Variants in NUP54 observed in about 807,000 individuals in gnomAD.
The protein encoded by NUP54 is nucleoporin 54, also known as nucleoporin p54.
NUP54 carries 27 observed loss-of-function variants against 66.4 expected under a neutral mutation model. That is an observed-to-expected ratio of 0.41 (90% CI 0.30 to 0.56). The LOEUF is 0.56. Among genes scored for constraint, NUP54 ranks in the 20% least tolerant of loss-of-function variants. The probability of loss-of-function intolerance (pLI) is 0.34; values close to 1 mark genes in which losing one functional copy is unlikely to be tolerated. For synonymous variants in NUP54, 206 were observed against 210.7 expected (o/e 0.98, Z 0.19); for missense variants, 486 against 596.3 (o/e 0.82, Z 1.93).
intron 3 of NUP54, among the ~76,000 whole-genome samples, chr4:76,139,203 G>A (rs910324739): frequency 2.6e-5 from 4 of 152,148 alleles, no homozygotes; most frequent in Admixed American, 2.0e-4. Context: ...ATAACTGATT[G>A]AGGCAATGAT....
chr4:76,121,852 C>CT (rs1217574695), intron 9 of NUP54, among the ~76,000 whole-genome samples: 1 of 152,110 alleles, frequency 6.6e-6, no homozygotes, highest in Non-Finnish European at 1.5e-5. Flanking sequence ...AGCCAGCTTA[C>CT]TACATTAATT....
At chr4:76,133,528 C>T (rs535896557) in intron 5 of NUP54, among the ~76,000 whole-genome samples, 1 of 151,900 alleles carries the variant, frequency 6.6e-6, no homozygotes, top group Admixed American at 6.6e-5. Flanking sequence ...AGGATGGCCT[C>T]GATCTCCTGA....
chr4:76,136,015 ATATG>A (rs1295936582), intron 4 of NUP54, among the ~76,000 whole-genome samples, 167 bp downstream of exon 4: 2 of 152,202 alleles, frequency 1.3e-5, no homozygotes, highest in African/African-American at 2.4e-5. Context: ...TCAACCACAC[ATATG>A]TATGAAATCA....
chr4:76,119,842 T>G (rs980307504), intron 9 of NUP54, among the ~76,000 whole-genome samples: 10 of 152,216 alleles, frequency 6.6e-5, no homozygotes, highest in African/African-American at 2.4e-4. Flanking sequence ...TAACCATATC[T>G]TTTTCATAAA....
rs1731039576 is a variant in NUP54, at chr4:76,136,353, T to C, written c.355A>G (p.Asn119Asp). 1 of 1,612,750 alleles carries C rather than the reference T, an allele frequency of 6.2e-7. No individual in the cohort carries two copies. The highest frequency in any genetic ancestry group is 8.5e-7 in the Non-Finnish European group (1 of 1,178,840). ...QAPTQSNQLI[N>D]TASALSAPTL... is the part of the protein sequence containing the mutation. ...GGAGCAGAAAGAGCACTCGCAGTAT[T>C]TATCAGCTGGTTGGACTGGGTAGGA... The change falls in exon 4 of 12, where the codon AAT becomes GAT. Residue 119 changes from asparagine (N) to aspartate (D), a missense_variant. Physicochemically the swap from Asn to Asp is conservative, Grantham distance 23. Transcript: ENST00000264883.
intron 4 of NUP54, among the ~76,000 whole-genome samples, chr4:76,135,020 A>C (rs10014749): frequency 0.15 from 22,462 of 152,018 alleles, 2,119 homozygotes; most frequent in East Asian, 0.36. Flanking sequence ...GTTTATTGGG[A>C]TGTAACCCAT....
In NUP54 at chr4:76,115,488, T is replaced by C. The variant is rs1451854703; in HGVS notation, c.1402A>G (p.Lys468Glu). 1 of 1,599,384 alleles carries C rather than the reference T, an allele frequency of 6.3e-7. No individual in the cohort carries two copies. Among genetic ancestry groups the C allele is most frequent in the East Asian group, 2.2e-5 (1 of 44,496 alleles). The change falls in exon 12 of 12, where the codon AAA becomes GAA. Residue 468 changes from lysine to glutamate, a missense_variant. By Grantham distance (56) the Lys-to-Glu change is moderately conservative. This residue lies in a region of NUP54 where 83 missense variants were observed against 128.6 expected (regional missense o/e 0.65). Coordinates refer to ENST00000264883, the MANE Select transcript of NUP54 (RefSeq NM_017426.4). ...DLLREIKQHL[K>E]QQQEGLSHLI... The stretch of plus-strand genomic sequence containing the variant: ...TGGCTAAGGCCTTCCTGTTGTTGTT[T>C]CAAATGCTAGAACAAATTAAGAAAC...
At chr4:76,125,356 G>A (rs1311134475) in intron 8 of NUP54, among the ~76,000 whole-genome samples, 10 of 146,214 alleles carry the variant, frequency 6.8e-5, no homozygotes, top group Admixed American at 6.7e-4. Context: ...ACACACGGCT[G>A]GGCACAGTGG....
Position 76,132,708 on chromosome 4 carries a change from A to G in NUP54, c.722T>C (p.Val241Ala). Residue 241 changes from valine to alanine, a missense_variant, in exon 6 of 12, where the codon GTT (valine) becomes GCT (alanine). Physicochemically the swap from Val to Ala is moderately conservative, Grantham distance 64. Coordinates refer to ENST00000264883, the MANE Select transcript of NUP54 (RefSeq NM_017426.4). ...TGGCGAACGCTCAACAACATAAATA[A>G]CAACTTCTGTCCTGAAGGAAGAATA... The part of the protein sequence containing the change: ...KTLPDDQTEV[V>A]IYVVERSPNG... 2 of 1,612,058 alleles carry G rather than the reference A, an allele frequency of 1.2e-6. No individual in the cohort carries two copies. The highest frequency in any genetic ancestry group is 1.7e-6 in the Non-Finnish European group (2 of 1,179,208).
chr4:76,129,272 G>A (rs1578678508), intron 8 of NUP54, among the ~76,000 whole-genome samples: 1 of 152,002 alleles, frequency 6.6e-6, no homozygotes, highest in Admixed American at 6.6e-5. Context: ...GATTAAGAGG[G>A]ATATGATATA....
chr4:76,116,824 A>G (rs529683371), intron 11 of NUP54, among the ~76,000 whole-genome samples: 2 of 152,210 alleles, frequency 1.3e-5, no homozygotes, highest in Admixed American at 6.5e-5. Flanking sequence ...TACTACCTAC[A>G]CTTTAAGGAG....
chr4:76,124,144 CCT>C (rs1235328141), intron 9 of NUP54, among the ~76,000 whole-genome samples: 1 of 151,760 alleles, frequency 6.6e-6, no homozygotes, highest in African/African-American at 2.4e-5. Context: ...TGTAAGTTTT[CCT>C]CTGAGTACAG....
intron 4 of NUP54, among the ~76,000 whole-genome samples, chr4:76,135,362 C>T (rs1730995798): frequency 6.6e-6 from 1 of 152,294 alleles, no homozygotes; most frequent in Middle Eastern, 3.4e-3. Context: ...ATGCATTTTA[C>T]CATGTTATAC....
chr4:76,122,853 C>T (rs1560676586), intron 9 of NUP54, among the ~76,000 whole-genome samples: 1 of 152,162 alleles, frequency 6.6e-6, no homozygotes. Context: ...ATGGAATATT[C>T]AGCAATAAAT....
At chr4:76,124,568 C>A in intron 9 of NUP54, 81 bp downstream of exon 9, 2 of 462,372 alleles carry the variant, frequency 4.3e-6, no homozygotes, top group East Asian at 3.7e-5. Context: ...ATTTTTTTTT[C>A]TATTTTAAAA....
chr4:76,136,719 G>T (rs1731055197), intron 3 of NUP54, among the ~76,000 whole-genome samples: 1 of 152,136 alleles, frequency 6.6e-6, no homozygotes, highest in African/African-American at 2.4e-5. Flanking sequence ...CATATGGCAA[G>T]ATGGAAGAGC....
intron 11 of NUP54, among the ~76,000 whole-genome samples, chr4:76,117,446 C>A (rs141058918): frequency 6.6e-6 from 1 of 152,066 alleles, no homozygotes; most frequent in African/African-American, 2.4e-5. Flanking sequence ...AGAAGTAGAC[C>A]TGCTAGATCA....
In NUP54 at chr4:76,122,293, C is replaced by CA. The variant is rs1231710664; in HGVS notation, c.1164+2355dup. Among the ~76,000 whole-genome samples the CA allele has an allele frequency of 3.3e-5, 5 of 152,316 alleles. No individual in the cohort carries two copies. The East Asian group carries it at 9.6e-4, about 29-fold the overall frequency. ...TTGGTCCGATTTGAGGTATACTCTA[C>CA]ATATGACAATTCACCTGTTTTAGGT... On this transcript the variant is annotated intron_variant, in intron 9 of 11. Transcript: ENST00000264883.
intron 3 of NUP54, among the ~76,000 whole-genome samples, chr4:76,141,810 C>T (rs60675531): frequency 0.13 from 20,007 of 152,124 alleles, 1,545 homozygotes; most frequent in East Asian, 0.35. Context: ...CTTAGTAAAA[C>T]ATATAAGGCA....
Sources: gnomAD v4.1 joint callset for allele counts (sites outside exome capture counted in the v4.1 genomes callset) on GRCh38, gnomAD v4.1.1 for gene constraint, gnomAD v4.1.1 regional missense constraint, MANE v1.5 for transcripts, NCBI Gene and HGNC (gene_info 2026-07-23, HGNC 2026-07-21) for gene names.